The following MLXIPL variants were observed in gnomAD, a reference collection of about 807,000 sequenced individuals.
MLXIPL encodes the protein carbohydrate-responsive element-binding protein.
Under a neutral mutation model 81.5 loss-of-function variants are expected in MLXIPL, and 49 were observed. That is an observed-to-expected ratio of 0.60 (90% CI 0.48 to 0.76). The LOEUF (loss-of-function observed/expected upper bound fraction) is 0.76, where lower values mean the gene tolerates loss of function less well. MLXIPL is among the 30% of genes least tolerant of loss of function. The probability of loss-of-function intolerance (pLI) is 0.00; values close to 1 mark genes in which losing one functional copy is unlikely to be tolerated. For missense variants in MLXIPL, 1,053 were observed against 1,167.0 expected (o/e 0.90, Z 1.42); for synonymous variants, 466 against 485.5 (o/e 0.96, Z 0.53).
intron 7 of MLXIPL, among the ~76,000 whole-genome samples, chr7:73,602,966 G>A (rs1432099368): frequency 6.6e-6 from 1 of 152,212 alleles, no homozygotes; most frequent in Non-Finnish European, 1.5e-5. Flanking sequence ...CCTGCCTTGA[G>A]AGAAGTTGCT....
the MLXIPL span, among the ~76,000 whole-genome samples, chr7:73,632,743 TTTCCTTCCTTCCTTCCTTCCTTCCTTCC>T: frequency 0.25 from 33,682 of 133,860 alleles, 4,139 homozygotes; most frequent in African/African-American, 0.32. Flanking sequence ...TCCTTCCTTC[TTTCCTTCCTTCCTTCCTTCCTTCCTTCC>T]TTCCTTCCTT....
chr7:73,618,910 C>T (rs147031959), intron 1 of MLXIPL, among the ~76,000 whole-genome samples: 2 of 152,276 alleles, frequency 1.3e-5, no homozygotes, highest in East Asian at 3.9e-4. Flanking sequence ...ACGTTCATGG[C>T]CCAGGCAGGG....
At chr7:73,620,667 G>A (rs926990927) in intron 1 of MLXIPL, among the ~76,000 whole-genome samples, 3 of 151,242 alleles carry the variant, frequency 2.0e-5, no homozygotes, top group East Asian at 1.9e-4. Flanking sequence ...GCTTGAACCC[G>A]TTGGGTGGAG....
chr7:73,600,015 C>T (rs1794660569), intron 7 of MLXIPL, among the ~76,000 whole-genome samples: 3 of 152,042 alleles, frequency 2.0e-5, no homozygotes, highest in Admixed American at 2.0e-4. Context: ...TCCCCACCCC[C>T]TGGTGGCTCC....
At chr7:73,636,537 GGGGTGCCAGCA>G in the MLXIPL span, among the ~76,000 whole-genome samples, 2 of 152,220 alleles carry the variant, frequency 1.3e-5, no homozygotes, top group East Asian at 1.9e-4. Flanking sequence ...TCAACTGGCT[GGGGTGCCAGCA>G]GGGTGCCAGC....
intron 2 of MLXIPL, among the ~76,000 whole-genome samples, chr7:73,612,503 G>T (rs979782176): frequency 6.6e-6 from 1 of 151,952 alleles, no homozygotes; most frequent in Non-Finnish European, 1.5e-5. Flanking sequence ...TTAGCCGGGC[G>T]TGGTGGTGCG....
intron 7 of MLXIPL, among the ~76,000 whole-genome samples, chr7:73,602,015 T>C (rs1794867903): frequency 6.6e-6 from 1 of 152,042 alleles, no homozygotes; most frequent in East Asian, 1.9e-4. Flanking sequence ...GTGCGTCTGC[T>C]CTGTGCCTGT....
At chr7:73,614,248 C>G (rs949707284) in intron 2 of MLXIPL, among the ~76,000 whole-genome samples, 3 of 152,006 alleles carry the variant, frequency 2.0e-5, no homozygotes, top group Admixed American at 2.0e-4. Context: ...ACAAACCCCC[C>G]CCACCGCCAT....
rs372028307 is a variant in MLXIPL, at chr7:73,605,681, G to A, written c.901+7C>T. ...GTCCACCCGACCTGGGGAGGGGCTC[G>A]CCCCACCTGAGATGTCCATGAAGTC... On this transcript the variant is annotated splice_region_variant and intron_variant, in intron 7 of 16. Coordinates refer to ENST00000313375, the MANE Select transcript of MLXIPL (RefSeq NM_032951.3). 1.4e-5 allele frequency: 23 copies of A among 1,612,890 alleles called. No homozygotes were observed. Among genetic ancestry groups the A allele is most frequent in the South Asian group, 2.2e-5 (2 of 91,018 alleles).
intron 7 of MLXIPL, among the ~76,000 whole-genome samples, chr7:73,603,341 C>T (rs1245009496): frequency 6.6e-6 from 1 of 152,228 alleles, no homozygotes; most frequent in Non-Finnish European, 1.5e-5. Flanking sequence ...GCCTCCTAGC[C>T]CCAGTCCCTG....
At chr7:73,645,968 T>C in the MLXIPL span, among the ~76,000 whole-genome samples, 1 of 152,180 alleles carries the variant, frequency 6.6e-6, no homozygotes, top group Non-Finnish European at 1.5e-5. Flanking sequence ...AGTAAATGCA[T>C]AGCAAACCCC....
At chr7:73,625,494 C>T (rs568896133), upstream of MLXIPL, among the ~76,000 whole-genome samples, 8 of 152,196 alleles carry the variant, frequency 5.3e-5, no homozygotes, top group South Asian at 4.1e-4. Context: ...CGGTGGCTCT[C>T]GCCTTCAATC....
rs782075363 is a variant in MLXIPL, at chr7:73,605,640, C to A, written c.901+48G>T. ...CTGGGATGGGCTCATCGGCCTTCCT[C>A]ACACAGACCCTGCCCGTCCACCCGA... On this transcript the variant is annotated intron_variant, in intron 7 of 16. Coordinates refer to ENST00000313375, the MANE Select transcript of MLXIPL (RefSeq NM_032951.3). 1.4e-5 allele frequency: 23 copies of A among 1,594,514 alleles called. No homozygotes were observed. The Admixed American group carries it at 3.8e-4, about 27-fold the overall frequency.
upstream of MLXIPL, among the ~76,000 whole-genome samples, chr7:73,628,879 C>G (rs1554604123): frequency 6.6e-6 from 1 of 152,152 alleles, no homozygotes; most frequent in East Asian, 1.9e-4. Flanking sequence ...AGCCATCCCA[C>G]CTGATGTCAC....
At chr7:73,620,517 G>T (rs1223152749) in intron 1 of MLXIPL, among the ~76,000 whole-genome samples, 1 of 147,902 alleles carries the variant, frequency 6.8e-6, no homozygotes, top group Non-Finnish European at 1.5e-5. Flanking sequence ...GAGACGGGTG[G>T]ATCACAAGGT....
At chr7:73,629,286 C>G (rs1380909763), upstream of MLXIPL, among the ~76,000 whole-genome samples, 1 of 152,098 alleles carries the variant, frequency 6.6e-6, no homozygotes, top group Non-Finnish European at 1.5e-5. Context: ...GTGATCCACC[C>G]TCTTCAGCCT....
chr7:73,636,744 G>A, the MLXIPL span, among the ~76,000 whole-genome samples: 2 of 152,012 alleles, frequency 1.3e-5, no homozygotes, highest in East Asian at 3.9e-4. Context: ...AATTCAGAGT[G>A]TCTAGAAGCA....
rs1355127734 is a variant in MLXIPL, at chr7:73,623,463, T to C, written c.293+737A>G. ...CGGGGCGCGGCCTGTGCGCTCTCGG[T>C]GGCACTAAGCGGGGGTCCCAGGCAG... is the stretch of plus-strand genomic sequence containing the variant. On this transcript the variant is annotated intron_variant, in intron 1 of 16. Transcript: ENST00000313375. This position sits in a 1 kb window ranked among gnomAD's most constrained non-coding sequence, Gnocchi z 5.7. Among the ~76,000 whole-genome samples the C allele has an allele frequency of 6.6e-6, 1 of 151,886 alleles. No homozygotes were observed. Among genetic ancestry groups the C allele is most frequent in the Non-Finnish European group, 1.5e-5 (1 of 67,962 alleles).
At chr7:73,619,624 G>A (rs1395745037) in intron 1 of MLXIPL, among the ~76,000 whole-genome samples, 2 of 151,218 alleles carry the variant, frequency 1.3e-5, no homozygotes, top group Non-Finnish European at 2.9e-5. Context: ...GTGGGAACCC[G>A]ACTCATAAAA....
Sources: gnomAD v4.1 joint callset for allele counts (sites outside exome capture counted in the v4.1 genomes callset) on GRCh38, gnomAD v4.1.1 for gene constraint, Gnocchi (gnomAD v3.1) non-coding constraint, MANE v1.5 for transcripts, NCBI Gene and HGNC (gene_info 2026-07-23, HGNC 2026-07-21) for gene names.